Variants in MYO16 observed in about 807,000 individuals in gnomAD.
MYO16 encodes unconventional myosin-XVI.
Under a neutral mutation model 205.3 loss-of-function variants are expected in MYO16, and 94 were observed. That is an observed-to-expected ratio of 0.46 (90% CI 0.39 to 0.54). The LOEUF is 0.54. Among genes scored for constraint, MYO16 ranks in the 20% least tolerant of loss-of-function variants. MYO16 has a pLI of 0.00. For synonymous variants in MYO16, 988 were observed against 954.0 expected (o/e 1.04, Z -0.66); for missense variants, 2,315 against 2,387.5 (o/e 0.97, Z 0.63).
At chr13:108,648,389 T>C (rs2139395144) in intron 1 of MYO16, among the ~76,000 whole-genome samples, 1 of 152,266 alleles carries the variant, frequency 6.6e-6, no homozygotes, top group South Asian at 2.1e-4. Flanking sequence ...ACCAGGGATT[T>C]TATCTTCTAC....
Position 109,140,258 on chromosome 13 carries a change from C to T in MYO16, c.4052-6C>T. 3.1e-6 allele frequency: 5 copies of T among 1,598,288 alleles called. No individual in the cohort carries two copies. The highest frequency in any genetic ancestry group is 4.2e-6 in the Non-Finnish European group (5 of 1,178,680). ...CACCCACTGACCGCGTCCTTTCCTG[C>T]CGCAGCTCTGGCCCGGCCCAGACCG... On this transcript the variant is annotated splice_polypyrimidine_tract_variant and splice_region_variant and intron_variant, in intron 31 of 34. Transcript: ENST00000457511. This position sits in a 1 kb window ranked among gnomAD's most constrained non-coding sequence, Gnocchi z 8.0.
At chr13:108,579,439 G>GA in the MYO16 span, among the ~76,000 whole-genome samples, 24 of 110,982 alleles carry the variant, frequency 2.2e-4, no homozygotes, top group East Asian at 7.2e-3. Flanking sequence ...CTAAAGGCAA[G>GA]AATTTTTTTT....
chr13:108,613,407 A>G (rs770525757), intron 1 of MYO16, among the ~76,000 whole-genome samples: 13 of 152,144 alleles, frequency 8.5e-5, no homozygotes, highest in South Asian at 2.1e-4. Flanking sequence ...GTTAGGTAAC[A>G]TGCCCTCCTG....
rs532101778 is a variant in MYO16 at position 108,738,114 on chromosome 13, T to A, written c.507+10531T>A. Among the ~76,000 whole-genome samples the A allele has an allele frequency of 9.8e-5, 15 of 152,308 alleles. No homozygotes were observed. The South Asian group carries it at 2.3e-3, about 23-fold the overall frequency. ...TGGATTCATTGATATTTTGAAGGAT[T>A]TTTTTTGTGTTTCTATCTCCTTCAG... On this transcript the variant is annotated intron_variant, in intron 4 of 34. Transcript: ENST00000457511.
intron 20 of MYO16, among the ~76,000 whole-genome samples, chr13:108,974,227 A>AT (rs1193888929): frequency 1.3e-5 from 2 of 152,086 alleles, no homozygotes; most frequent in African/African-American, 2.4e-5. Flanking sequence ...ATAAGAGAAT[A>AT]TTTTTTGCTG....
chr13:108,708,193 C>T (rs1883587909), intron 2 of MYO16, among the ~76,000 whole-genome samples: 1 of 152,232 alleles, frequency 6.6e-6, no homozygotes, highest in South Asian at 2.1e-4. Context: ...ATTTCAGCAG[C>T]ATTGCTGTGC....
chr13:108,566,860 C>T, the MYO16 span, among the ~76,000 whole-genome samples: 3 of 151,934 alleles, frequency 2.0e-5, no homozygotes, highest in Admixed American at 1.3e-4. Flanking sequence ...AATAAACTTC[C>T]AAGTGGAAGC....
chr13:109,040,383 C>CAGAGAG (rs1482536301), intron 23 of MYO16, among the ~76,000 whole-genome samples: 4 of 70,012 alleles, frequency 5.7e-5, no homozygotes, highest in Non-Finnish European at 1.1e-4. Context: ...CACACACACA[C>CAGAGAG]ACAGAGAGAG....
chr13:108,659,932 G>A (rs1221056940), intron 1 of MYO16, among the ~76,000 whole-genome samples: 1 of 152,096 alleles, frequency 6.6e-6, no homozygotes, highest in Non-Finnish European at 1.5e-5. Flanking sequence ...ACGGTTGAAG[G>A]ATAGTAATTG....
rs1888942766 is a variant in MYO16, at chr13:109,100,862, A to T, written c.3413A>T (p.Gln1138Leu). ...SAAERCRLVL[Q>L]QCKLQGWQMG... ...GCCGAGCGATGTCGACTTGTTCTCC[A>T]GCAGTGTAAATTACAAGGCTGGCAG... The change falls in exon 28 of 35, where the codon CAG (glutamine) becomes CTG (leucine). Residue 1138 changes from glutamine (Q) to leucine (L), a missense_variant. Gln to Leu is a moderately radical substitution (Grantham distance 113). Transcript: ENST00000457511. 1 of 1,613,452 alleles carries T rather than the reference A, an allele frequency of 6.2e-7. No individual in the cohort carries two copies. Among genetic ancestry groups the T allele is most frequent in the East Asian group, 2.2e-5 (1 of 44,888 alleles).
chr13:109,184,431 A>G (rs976814022), intron 34 of MYO16, among the ~76,000 whole-genome samples: 4 of 152,204 alleles, frequency 2.6e-5, no homozygotes, highest in Non-Finnish European at 4.4e-5. Context: ...AACATATCCT[A>G]TATTTTGTAT....
chr13:109,019,046 G>A (rs1241926770), intron 22 of MYO16, among the ~76,000 whole-genome samples: 1 of 150,192 alleles, frequency 6.7e-6, no homozygotes, highest in East Asian at 1.9e-4. Flanking sequence ...GTGGCTCACT[G>A]CAACCTCCAC....
At chr13:108,721,586 C>G (rs1387856365) in intron 3 of MYO16, among the ~76,000 whole-genome samples, 1 of 152,140 alleles carries the variant, frequency 6.6e-6, no homozygotes, top group African/African-American at 2.4e-5. Context: ...ATCATGGTCC[C>G]CAAGTCTTCC....
intron 23 of MYO16, among the ~76,000 whole-genome samples, chr13:109,038,688 A>G (rs1351369475): frequency 6.6e-6 from 1 of 152,168 alleles, no homozygotes; most frequent in African/African-American, 2.4e-5. Context: ...CATTTAAGAC[A>G]AAAAGAAAAC....
At chr13:108,556,576 A>G in the MYO16 span, among the ~76,000 whole-genome samples, 1 of 152,064 alleles carries the variant, frequency 6.6e-6, no homozygotes, top group Non-Finnish European at 1.5e-5. Flanking sequence ...CTCCCATTCC[A>G]TAGGTTGTCT....
At chr13:108,848,344 C>A (rs1169121251) in intron 10 of MYO16, among the ~76,000 whole-genome samples, 1 of 152,096 alleles carries the variant, frequency 6.6e-6, no homozygotes, top group Non-Finnish European at 1.5e-5. Context: ...AATAATAATG[C>A]AAAATAATGT....
intron 4 of MYO16, among the ~76,000 whole-genome samples, chr13:108,729,557 C>T (rs1454160464): frequency 6.6e-6 from 1 of 151,448 alleles, no homozygotes; most frequent in Non-Finnish European, 1.5e-5. Context: ...TATTTCTTTT[C>T]TCTGACTAAT....
chr13:108,625,643 A>G (rs1014684975), upstream of MYO16, among the ~76,000 whole-genome samples: 2 of 152,134 alleles, frequency 1.3e-5, no homozygotes, highest in Admixed American at 6.5e-5. Flanking sequence ...AATGTGTGTA[A>G]TTTACTTCAT....
chr13:108,543,777 A>G, the MYO16 span, among the ~76,000 whole-genome samples: 4 of 135,164 alleles, frequency 3.0e-5, no homozygotes, highest in Non-Finnish European at 6.1e-5. Context: ...CTTAAAGAGC[A>G]TGATAAGGCT....
Sources: allele counts gnomAD v4.1 joint callset (sites outside exome capture counted in the v4.1 genomes callset), GRCh38; gene constraint gnomAD v4.1.1; non-coding constraint Gnocchi (gnomAD v3.1); transcripts MANE v1.5; gene names NCBI Gene and HGNC (gene_info 2026-07-23, HGNC 2026-07-21).